The following KIAA1217 variants were observed in gnomAD, a reference collection of about 807,000 sequenced individuals.
The protein encoded by KIAA1217 is sickle tail protein homolog.
A neutral mutation model predicts 163.9 loss-of-function variants in KIAA1217; 88 were observed. That is an observed-to-expected ratio of 0.54 (90% CI 0.45 to 0.64). The LOEUF (loss-of-function observed/expected upper bound fraction) is 0.64, where lower values mean the gene tolerates loss of function less well. KIAA1217 is among the 30% of genes least tolerant of loss of function. The pLI, the probability that KIAA1217 is intolerant of heterozygous loss-of-function variation, is 0.00. For synonymous variants in KIAA1217, 903 were observed against 923.1 expected (o/e 0.98, Z 0.39); for missense variants, 2,372 against 2,475.0 (o/e 0.96, Z 0.88).
intron 1 of KIAA1217, among the ~76,000 whole-genome samples, chr10:23,916,106 C>A (rs539366450): frequency 2.6e-5 from 4 of 152,236 alleles, no homozygotes; most frequent in Non-Finnish European, 4.4e-5. Context: ...ATGCCACAGT[C>A]CAGGTTAATA....
At chr10:23,840,872 C>G (rs11013744) in intron 1 of KIAA1217, among the ~76,000 whole-genome samples, 1,973 of 152,208 alleles carry the variant, frequency 0.013, 61 homozygotes, top group African/African-American at 0.045. Context: ...TTGCATTTTT[C>G]CCATCTTCTA....
At chr10:23,797,017 T>A (rs1325689258) in intron 1 of KIAA1217, among the ~76,000 whole-genome samples, 1 of 152,148 alleles carries the variant, frequency 6.6e-6, no homozygotes, top group African/African-American at 2.4e-5. Flanking sequence ...CACATCTGGC[T>A]AATTGTTTCT....
At chr10:23,773,212 C>T (rs10508665) in intron 1 of KIAA1217, among the ~76,000 whole-genome samples, 27,595 of 152,082 alleles carry the variant, frequency 0.18, 2,646 homozygotes, top group Middle Eastern at 0.27. Flanking sequence ...TTATTGTACA[C>T]TCAGGGAATC....
At chr10:24,399,886 G>A (rs919632376) in intron 3 of KIAA1217, among the ~76,000 whole-genome samples, 1 of 152,124 alleles carries the variant, frequency 6.6e-6, no homozygotes. Flanking sequence ...TACATGGCAA[G>A]TTTGAAAGCG....
intron 2 of KIAA1217, among the ~76,000 whole-genome samples, chr10:24,277,219 G>A (rs34481350): frequency 0.32 from 47,929 of 151,968 alleles, 8,312 homozygotes; most frequent in Admixed American, 0.47. Flanking sequence ...TCATGGCAGC[G>A]CTCAACCTGG....
chr10:24,043,485 T>A (rs1415289301), intron 2 of KIAA1217, among the ~76,000 whole-genome samples: 1 of 152,122 alleles, frequency 6.6e-6, no homozygotes, highest in East Asian at 1.9e-4. Flanking sequence ...AAATTTTAAG[T>A]TTTCCCTTAG....
intron 2 of KIAA1217, among the ~76,000 whole-genome samples, chr10:24,364,259 G>A (rs1036151489): frequency 9.2e-5 from 14 of 151,996 alleles, no homozygotes; most frequent in African/African-American, 2.9e-4. Flanking sequence ...GATTACAGGC[G>A]TGAGCCACCG....
intron 1 of KIAA1217, among the ~76,000 whole-genome samples, chr10:23,822,953 T>C (rs566425948): frequency 1.3e-5 from 2 of 152,322 alleles, no homozygotes; most frequent in African/African-American, 4.8e-5. Context: ...GAAGCACTTT[T>C]TTATTAGGAG....
intron 2 of KIAA1217, among the ~76,000 whole-genome samples, chr10:24,313,843 GTTTTT>G (rs35876174): frequency 8.8e-6 from 1 of 113,430 alleles, no homozygotes; most frequent in Admixed American, 9.8e-5. Flanking sequence ...CCATCTGGTT[GTTTTT>G]TTTTTTTTTT....
chr10:24,140,251 T>G (rs2064003103), intron 2 of KIAA1217, among the ~76,000 whole-genome samples: 1 of 151,208 alleles, frequency 6.6e-6, no homozygotes, highest in African/African-American at 2.4e-5. Flanking sequence ...TCCCAGCTAC[T>G]CAGGAGGCTG....
chr10:23,768,032 G>A (rs1834620359), intron 1 of KIAA1217, among the ~76,000 whole-genome samples: 1 of 152,236 alleles, frequency 6.6e-6, no homozygotes. Context: ...ATCTGGAAGA[G>A]CAAGACCTGG....
At chr10:23,965,073 T>C (rs1845002104) in intron 1 of KIAA1217, among the ~76,000 whole-genome samples, 1 of 152,094 alleles carries the variant, frequency 6.6e-6, no homozygotes. Flanking sequence ...CACTGTGGAG[T>C]TGCAGCATTT....
In KIAA1217 at chr10:23,781,095, C is replaced by T. The variant is rs529331818; in HGVS notation, c.-321+85861C>T. Among the ~76,000 whole-genome samples the T allele has an allele frequency of 1.1e-4, 16 of 152,218 alleles. No homozygotes were observed. In the South Asian group the frequency reaches 3.3e-3, roughly 32 times the overall value. On this transcript the variant is annotated intron_variant, in intron 1 of 18. Transcript: ENST00000376462. ...GGAGTGCAGATATCTTTATGAGGTG[C>T]TGATTTCATTTCCTTTGGGTATATA...
intron 2 of KIAA1217, among the ~76,000 whole-genome samples, chr10:24,163,973 G>A (rs2065232080): frequency 6.6e-6 from 1 of 152,002 alleles, no homozygotes; most frequent in African/African-American, 2.4e-5. Flanking sequence ...AGTCCAGCCG[G>A]GGCAACATAG....
At chr10:24,426,405 T>C (rs1481222756) in intron 3 of KIAA1217, among the ~76,000 whole-genome samples, 1 of 152,092 alleles carries the variant, frequency 6.6e-6, no homozygotes, top group East Asian at 1.9e-4. Flanking sequence ...GTGAATCACC[T>C]GAGGTCAGGA....
At chr10:24,373,181 C>T (rs1005079480) in intron 2 of KIAA1217, among the ~76,000 whole-genome samples, 24 of 152,200 alleles carry the variant, frequency 1.6e-4, no homozygotes, top group African/African-American at 5.8e-4. Context: ...GTTCCACCCA[C>T]TCTAAGCATG....
chr10:24,187,552 G>C (rs1235610508), intron 2 of KIAA1217, among the ~76,000 whole-genome samples: 3 of 152,164 alleles, frequency 2.0e-5, no homozygotes, highest in African/African-American at 7.2e-5. Context: ...GAGGGGGTGG[G>C]CCTCCTGCAT....
In KIAA1217 at chr10:23,704,170, G is replaced by GTATA. The variant is rs1314137167; in HGVS notation, c.-321+8937_-321+8938insATAT. Among the ~76,000 whole-genome samples the GTATA allele has an allele frequency of 5.1e-3, 275 of 54,008 alleles. 1 individual carries two copies. The highest frequency in any genetic ancestry group is 6.5e-3 in the Non-Finnish European group (219 of 33,758). 35.4% of individuals were successfully genotyped at this position (54,008 alleles called of 152,430 possible). A position where few individuals can be genotyped will look rare whatever the true frequency, so the allele number is the denominator to read the frequency against. ...TATGTGTGTGTGTGTGTGTGTGTGT[G>GTATA]TGTATATATATATATATATATATAT... On this transcript the variant is annotated intron_variant, in intron 1 of 18. Transcript: ENST00000376462.
At position 24,366,401 on chromosome 10, in the gene KIAA1217, C is replaced by T. The variant is rs1369901950; in HGVS notation, c.355-14468C>T. ...CAGAGGGTGCGGTGAGCTGAGATCA[C>T]GCCACTGCACTCCAGCCTGGGCGAC... On this transcript the variant is annotated intron_variant, in intron 2 of 20. Transcript: ENST00000376454. Among the ~76,000 whole-genome samples, 14 of 152,138 alleles carry T rather than the reference C, an allele frequency of 9.2e-5. No individual in the cohort carries two copies. The East Asian group carries it at 2.5e-3, about 27-fold the overall frequency.
Sources: allele counts gnomAD v4.1 joint callset (sites outside exome capture counted in the v4.1 genomes callset), GRCh38; gene constraint gnomAD v4.1.1; transcripts MANE v1.5; gene names NCBI Gene and HGNC (gene_info 2026-07-23, HGNC 2026-07-21).